Variants in CNTNAP2 observed in about 807,000 individuals in gnomAD.
CNTNAP2 encodes the protein contactin-associated protein-like 2.
A neutral mutation model predicts 155.2 loss-of-function variants in CNTNAP2; 98 were observed. The ratio of observed to expected loss-of-function variants is 0.63; its 90% CI spans 0.54 to 0.75. CNTNAP2 has a LOEUF of 0.75. Among genes scored for constraint, CNTNAP2 ranks in the 30% least tolerant of loss-of-function variants. CNTNAP2 has a pLI of 0.00. For synonymous variants in CNTNAP2, 651 were observed against 631.2 expected (o/e 1.03, Z -0.47); for missense variants, 1,727 against 1,688.1 (o/e 1.02, Z -0.40).
intron 13 of CNTNAP2, among the ~76,000 whole-genome samples, chr7:147,665,268 A>G (rs976879098): frequency 1.3e-5 from 2 of 152,196 alleles, no homozygotes; most frequent in African/African-American, 4.8e-5. Context: ...GCTTAATATT[A>G]AATTTGACAG....
chr7:147,245,761 C>CAAAAAAAA (rs34304342), intron 8 of CNTNAP2, among the ~76,000 whole-genome samples: 5 of 85,234 alleles, frequency 5.9e-5, no homozygotes, highest in Admixed American at 1.6e-4. Context: ...GACTCTGTCT[C>CAAAAAAAA]AAAAAAAAAA....
chr7:146,748,445 C>G (rs1205948110), intron 1 of CNTNAP2, among the ~76,000 whole-genome samples: 1 of 151,914 alleles, frequency 6.6e-6, no homozygotes, highest in African/African-American at 2.4e-5. Flanking sequence ...GCGCCCGGCC[C>G]CAAATCTATA....
intron 4 of CNTNAP2, among the ~76,000 whole-genome samples, chr7:147,106,183 A>T (rs1365953961): frequency 1.3e-5 from 2 of 152,084 alleles, no homozygotes; most frequent in Admixed American, 1.3e-4. Context: ...ATAAAACAAG[A>T]TGTGTCTATT....
intron 13 of CNTNAP2, among the ~76,000 whole-genome samples, chr7:147,686,615 A>C (rs1796020808): frequency 6.6e-6 from 1 of 152,010 alleles, no homozygotes; most frequent in Non-Finnish European, 1.5e-5. Context: ...CAAGACTCAT[A>C]GTTTGTAGAG....
chr7:147,690,745 T>C (rs1796076213), intron 13 of CNTNAP2, among the ~76,000 whole-genome samples: 2 of 151,412 alleles, frequency 1.3e-5, no homozygotes, highest in Non-Finnish European at 2.9e-5. Flanking sequence ...ACTTTTAAAG[T>C]TTTTCTTTCA....
chr7:146,815,619 A>C (rs971266194), intron 2 of CNTNAP2, among the ~76,000 whole-genome samples: 3 of 152,220 alleles, frequency 2.0e-5, no homozygotes, highest in Non-Finnish European at 2.9e-5. Context: ...TGGAGTGAGG[A>C]AACTTATTGT....
intron 22 of CNTNAP2, among the ~76,000 whole-genome samples, chr7:148,401,944 A>G (rs1425644966): frequency 6.6e-5 from 10 of 152,198 alleles, no homozygotes; most frequent in Non-Finnish European, 1.2e-4. Context: ...TTAATCAGAC[A>G]AAAGAGTACA....
intron 16 of CNTNAP2, among the ~76,000 whole-genome samples, chr7:148,122,977 A>T (rs2116616290): frequency 6.6e-6 from 1 of 152,292 alleles, no homozygotes; most frequent in South Asian, 2.1e-4. Flanking sequence ...TCTAGTTTTG[A>T]TGTTGTGTGA....
chr7:146,245,191 G>T (rs1023517409), intron 1 of CNTNAP2, among the ~76,000 whole-genome samples: 19 of 150,464 alleles, frequency 1.3e-4, no homozygotes, highest in Admixed American at 2.7e-4. Context: ...TGGGGAAATG[G>T]GGTGAATGTC....
At chr7:147,587,765 AG>A (rs1238470604) in intron 12 of CNTNAP2, among the ~76,000 whole-genome samples, 2 of 152,190 alleles carry the variant, frequency 1.3e-5, no homozygotes, top group African/African-American at 4.8e-5. Context: ...ACCTTATGAG[AG>A]AGAACTCAAT....
rs533551449 is a variant in CNTNAP2 at position 146,808,107 on chromosome 7, C to T, written c.209-31604C>T. 9.2e-5 allele frequency among the ~76,000 whole-genome samples: 14 copies of T among 152,244 alleles called. No homozygotes were observed. The South Asian group carries it at 1.9e-3, about 20-fold the overall frequency. ...CTGGAGACTGAGTTTATTACATGAG[C>T]GGCCTGTCTTAAGTTTCTTGCCATC... On this transcript the variant is annotated intron_variant, in intron 2 of 23. Coordinates refer to ENST00000361727, the MANE Select transcript of CNTNAP2 (RefSeq NM_014141.6).
At chr7:147,052,585 T>A (rs1276021556) in intron 4 of CNTNAP2, among the ~76,000 whole-genome samples, 2 of 151,970 alleles carry the variant, frequency 1.3e-5, no homozygotes, top group Non-Finnish European at 2.9e-5. Context: ...AGACAGCAAA[T>A]AACTCAGTGT....
intron 20 of CNTNAP2, among the ~76,000 whole-genome samples, chr7:148,261,371 G>A (rs1796558651): frequency 6.6e-6 from 1 of 152,210 alleles, no homozygotes; most frequent in Admixed American, 6.5e-5. Context: ...TGTTGGCCAG[G>A]CTGGTCTCGA....
At chr7:148,160,018 C>A (rs1215995987) in intron 17 of CNTNAP2, among the ~76,000 whole-genome samples, 2 of 152,274 alleles carry the variant, frequency 1.3e-5, no homozygotes, top group Non-Finnish European at 2.9e-5. Context: ...GTAGGCAAAT[C>A]TCTTGTGCCC....
At chr7:146,315,669 A>G (rs1487728467) in intron 1 of CNTNAP2, among the ~76,000 whole-genome samples, 1 of 152,000 alleles carries the variant, frequency 6.6e-6, no homozygotes, top group Non-Finnish European at 1.5e-5. Context: ...GTTTATTTAC[A>G]TTTTGTTTAT....
chr7:147,950,526 G>T (rs1800909731), intron 14 of CNTNAP2, among the ~76,000 whole-genome samples: 1 of 151,978 alleles, frequency 6.6e-6, no homozygotes, highest in Admixed American at 6.6e-5. Context: ...AATACCCTTG[G>T]GCAAAGTCAG....
At chr7:146,883,638 G>A (rs1393090139) in intron 3 of CNTNAP2, among the ~76,000 whole-genome samples, 1 of 152,056 alleles carries the variant, frequency 6.6e-6, no homozygotes, top group East Asian at 1.9e-4. Flanking sequence ...AGTACATACA[G>A]CCAATACACA....
intron 15 of CNTNAP2, among the ~76,000 whole-genome samples, chr7:148,012,738 C>G (rs1188637497): frequency 6.6e-6 from 1 of 152,142 alleles, no homozygotes; most frequent in African/African-American, 2.4e-5. Flanking sequence ...ATTAATTAAG[C>G]TTTTATTTTT....
chr7:146,973,348 C>G (rs373752288), intron 3 of CNTNAP2, among the ~76,000 whole-genome samples: 1 of 152,232 alleles, frequency 6.6e-6, no homozygotes, highest in African/African-American at 2.4e-5. Context: ...ATATTTCAAG[C>G]ACTCAATAGA....
Sources: gnomAD v4.1 joint callset for allele counts (sites outside exome capture counted in the v4.1 genomes callset) on GRCh38, gnomAD v4.1.1 for gene constraint, MANE v1.5 for transcripts, NCBI Gene and HGNC (gene_info 2026-07-23, HGNC 2026-07-21) for gene names.